SPMIP4: variants seen among roughly 807,000 people sequenced by gnomAD.
The protein encoded by SPMIP4 is sperm-associated microtubule inner protein 4.
the SPMIP4 span, among the ~76,000 whole-genome samples, chr7:25,170,535 C>A: frequency 0.26 from 39,555 of 152,048 alleles, 5,466 homozygotes; most frequent in East Asian, 0.31. Flanking sequence ...TTAATTTTGA[C>A]GAAGTTCACT....
chr7:25,158,392 AC>A, the SPMIP4 span: 2 of 744,190 alleles, frequency 2.7e-6, no homozygotes, highest in Admixed American at 2.5e-5. Context: ...AAAAAAAGAA[AC>A]GTTTTCATGG....
chr7:25,153,566 A>C, the SPMIP4 span, among the ~76,000 whole-genome samples: 2 of 151,828 alleles, frequency 1.3e-5, no homozygotes, highest in East Asian at 3.9e-4. Context: ...TCCGTCTCAA[A>C]AAAAAAAAAA....
At chr7:25,176,004 C>T in the SPMIP4 span, among the ~76,000 whole-genome samples, 5 of 152,226 alleles carry the variant, frequency 3.3e-5, no homozygotes, top group Non-Finnish European at 5.9e-5. The surrounding 1 kb of genome is among the most constrained non-coding windows in gnomAD (Gnocchi z 4.4). Context: ...AAAGAATTCA[C>T]GTGAAATAAA....
the SPMIP4 span, among the ~76,000 whole-genome samples, chr7:25,157,709 G>A: frequency 3.5e-4 from 54 of 152,288 alleles, no homozygotes; most frequent in African/African-American, 1.3e-3. Context: ...CAGCCAAGAG[G>A]AACCTAAGGA....
the SPMIP4 span, among the ~76,000 whole-genome samples, chr7:25,173,191 A>G: frequency 3.7e-4 from 57 of 152,270 alleles, no homozygotes; most frequent in African/African-American, 1.3e-3. The surrounding 1 kb of genome is among the most constrained non-coding windows in gnomAD (Gnocchi z 4.4). Context: ...CTTTACCAGT[A>G]CAGTGCTTGG....
At chr7:25,136,884 A>G in the SPMIP4 span, 1 of 1,264,758 alleles carries the variant, frequency 7.9e-7, no homozygotes, top group Non-Finnish European at 1.1e-6. The surrounding 1 kb of genome is among the most constrained non-coding windows in gnomAD (Gnocchi z 5.7). Flanking sequence ...TCATTGTCTG[A>G]GTACACGAGA....
the SPMIP4 span, among the ~76,000 whole-genome samples, chr7:25,160,602 GTTTTAT>G: frequency 1.3e-5 from 2 of 152,100 alleles, no homozygotes; most frequent in Non-Finnish European, 1.5e-5. Context: ...GCCCAGCTGT[GTTTTAT>G]TTTTATCTAA....
chr7:25,142,671 G>A, the SPMIP4 span: 1 of 1,613,240 alleles, frequency 6.2e-7, no homozygotes, highest in East Asian at 2.2e-5. Flanking sequence ...AAGTGAGCCA[G>A]TGGGACCTCT....
At chr7:25,138,169 T>C in the SPMIP4 span, among the ~76,000 whole-genome samples, 3 of 152,134 alleles carry the variant, frequency 2.0e-5, no homozygotes, top group Non-Finnish European at 4.4e-5. The surrounding 1 kb of genome is among the most constrained non-coding windows in gnomAD (Gnocchi z 6.2). Context: ...CTGTGATTTA[T>C]GTGTGTATTC....
At chr7:25,142,367 G>A in the SPMIP4 span, 1 of 1,456,022 alleles carries the variant, frequency 6.9e-7, no homozygotes, top group Non-Finnish European at 9.5e-7. Flanking sequence ...TTTTGTTAGG[G>A]TAAACGAAGA....
At chr7:25,159,442 A>G in the SPMIP4 span, among the ~76,000 whole-genome samples, 1 of 152,268 alleles carries the variant, frequency 6.6e-6, no homozygotes, top group African/African-American at 2.4e-5. Context: ...AAAGTCGACT[A>G]AAGACGGGTA....
the SPMIP4 span, chr7:25,125,879 C>CT: frequency 3.1e-6 from 3 of 983,234 alleles, no homozygotes; most frequent in South Asian, 1.4e-4. Context: ...CACCTATACT[C>CT]TGTTACTTTC....
At chr7:25,167,981 T>C in the SPMIP4 span, among the ~76,000 whole-genome samples, 1 of 152,234 alleles carries the variant, frequency 6.6e-6, no homozygotes, top group Non-Finnish European at 1.5e-5. Flanking sequence ...AGAGCATCTG[T>C]ACAGATTAGG....
the SPMIP4 span, among the ~76,000 whole-genome samples, chr7:25,154,709 A>G: frequency 4.6e-5 from 7 of 151,992 alleles, no homozygotes; most frequent in South Asian, 2.1e-4. Flanking sequence ...AGCAGGAAAG[A>G]AATAAAAATA....
At chr7:25,146,178 A>T in the SPMIP4 span, among the ~76,000 whole-genome samples, 1 of 152,218 alleles carries the variant, frequency 6.6e-6, no homozygotes. Context: ...GAGAGGGAGC[A>T]AATGAGAGAC....
At chr7:25,136,690 CTT>C in the SPMIP4 span, 1 of 1,614,136 alleles carries the variant, frequency 6.2e-7, no homozygotes, top group South Asian at 1.1e-5. This position sits in a 1 kb window ranked among gnomAD's most constrained non-coding sequence, Gnocchi z 5.7. Flanking sequence ...GGAACGTGGT[CTT>C]TGCTGGACTA....
the SPMIP4 span, among the ~76,000 whole-genome samples, chr7:25,141,269 A>T: frequency 6.6e-6 from 1 of 152,176 alleles, no homozygotes; most frequent in African/African-American, 2.4e-5. Flanking sequence ...ATGGTAATGT[A>T]CAAGATATAT....
the SPMIP4 span, among the ~76,000 whole-genome samples, chr7:25,132,139 G>A: frequency 1.5e-3 from 226 of 152,338 alleles, no homozygotes; most frequent in African/African-American, 5.2e-3. The surrounding 1 kb of genome is among the most constrained non-coding windows in gnomAD (Gnocchi z 5.0). Flanking sequence ...TTTCTATCCC[G>A]ATCATTGTCC....
At chr7:25,137,198 G>A in the SPMIP4 span, among the ~76,000 whole-genome samples, 3 of 149,626 alleles carry the variant, frequency 2.0e-5, no homozygotes, top group African/African-American at 7.4e-5. Context: ...AACCTTGGCT[G>A]AGTCAGAATC....
Sources: gnomAD v4.1 joint callset for allele counts (sites outside exome capture counted in the v4.1 genomes callset) on GRCh38, gnomAD v4.1.1 for gene constraint, Gnocchi (gnomAD v3.1) non-coding constraint, MANE v1.5 for transcripts, NCBI Gene and HGNC (gene_info 2026-07-23, HGNC 2026-07-21) for gene names.